The following HEXIM2 variants were observed in gnomAD, a reference collection of about 807,000 sequenced individuals.
HEXIM2 encodes HEXIM P-TEFb complex subunit 2.
For missense variants in HEXIM2, 413 were observed against 390.8 expected (o/e 1.06, Z -0.48); for synonymous variants, 159 against 162.7 (o/e 0.98, Z 0.17).
chr17:45,162,894 C>G (rs1246315806), intron 3 of HEXIM2, 35 bp downstream of exon 3: 1 of 1,359,672 alleles, frequency 7.4e-7, no homozygotes, highest in Admixed American at 1.7e-5. Flanking sequence ...CCAAGCACCA[C>G]GAGCACGGGT....
chr17:45,169,158 G>A lies in HEXIM2; in HGVS notation c.210G>A (p.Arg70=). 6.2e-7 allele frequency: 1 copy of A among 1,613,854 alleles called. No individual in the cohort carries two copies. The highest frequency in any genetic ancestry group is 1.3e-5 in the African/African-American group (1 of 75,072). The part of the protein sequence containing the change: ...GAVGGLGWNS[R]SPRTQSPGGC... The stretch of plus-strand genomic sequence containing the variant: ...TCGGTGGCCTGGGCTGGAACAGTAG[G>A]AGTCCCCGGACCCAGAGCCCAGGGG... The change falls in exon 4 of 4, where the codon AGG becomes AGA. Residue 70 remains arginine, a synonymous_variant. Coordinates refer to ENST00000589230, the MANE Select transcript of HEXIM2 (RefSeq NM_001303441.2).
intron 3 of HEXIM2, among the ~76,000 whole-genome samples, chr17:45,163,325 CAAAAAAAAAA>C (rs11423159): frequency 1.3e-5 from 1 of 78,798 alleles, no homozygotes; most frequent in Non-Finnish European, 2.4e-5. Context: ...GACTCCGTCT[CAAAAAAAAAA>C]AAAAAAAAAA....
chr17:45,166,742 A>AG (rs2042852422), intron 3 of HEXIM2, among the ~76,000 whole-genome samples: 1 of 152,004 alleles, frequency 6.6e-6, no homozygotes, highest in African/African-American at 2.4e-5. Context: ...GAAAAAAGGT[A>AG]GCTGGCAGTG....
upstream of HEXIM2, chr17:45,161,143 G>A (rs1340960979): frequency 2.5e-6 from 1 of 394,268 alleles, no homozygotes; most frequent in South Asian, 1.8e-5. Flanking sequence ...GGGGTGGGGA[G>A]GGAAGCTGGC....
upstream of HEXIM2, chr17:45,160,600 T>G: frequency 3.9e-6 from 1 of 255,198 alleles, no homozygotes; most frequent in Non-Finnish European, 8.1e-6. Flanking sequence ...GCAACTCCGT[T>G]TCTATTTCGG....
At chr17:45,167,579 A>G (rs1351977007) in intron 3 of HEXIM2, among the ~76,000 whole-genome samples, 2 of 152,204 alleles carry the variant, frequency 1.3e-5, no homozygotes, top group Non-Finnish European at 2.9e-5. Context: ...TTGCCTGGGC[A>G]ACAGAGTAAG....
Position 45,169,787 on chromosome 17 carries a change from G to A in HEXIM2, c.839G>A (p.Cys280Tyr). 6.9e-7 allele frequency: 1 copy of A among 1,446,456 alleles called. No individual in the cohort carries two copies. The highest frequency in any genetic ancestry group is 9.1e-7 in the Non-Finnish European group (1 of 1,101,188). 89.6% of individuals were successfully genotyped at this position (1,446,456 alleles called of 1,614,324 possible). ...NQMWNREGCR[C>Y]DEEPGT ...ATGTGGAACCGAGAGGGCTGCCGCT[G>A]TGATGAGGAGCCGGGTACCTAGGGG... Residue 280 changes from cysteine to tyrosine, a missense_variant, in exon 4 of 4, where the codon TGT becomes TAT. Physicochemically the swap from Cys to Tyr is radical, Grantham distance 194. Coordinates refer to ENST00000589230, the MANE Select transcript of HEXIM2 (RefSeq NM_001303441.2).
upstream of HEXIM2, chr17:45,161,217 C>T (rs2042673770): frequency 1.1e-5 from 4 of 355,314 alleles, no homozygotes; most frequent in South Asian, 4.1e-5. Context: ...TTTCACCAGC[C>T]TCTCCCCTTC....
intron 3 of HEXIM2, among the ~76,000 whole-genome samples, chr17:45,166,458 T>C (rs1287212918): frequency 6.6e-6 from 1 of 152,202 alleles, no homozygotes; most frequent in Non-Finnish European, 1.5e-5. Flanking sequence ...CTTTTGGATC[T>C]CCCTATCCTA....
At chr17:45,162,104 T>C in intron 1 of HEXIM2, 73 bp downstream of exon 1, 2 of 788,094 alleles carry the variant, frequency 2.5e-6, no homozygotes, top group Non-Finnish European at 3.1e-6. Context: ...CTTATCCTAG[T>C]TGGGTTTCCC....
intron 3 of HEXIM2, among the ~76,000 whole-genome samples, chr17:45,167,664 T>A (rs1024658793): frequency 6.6e-6 from 1 of 152,168 alleles, no homozygotes; most frequent in Admixed American, 6.5e-5. Context: ...TCTCACTCTG[T>A]CGCCCAGGCT....
chr17:45,162,390 G>C, intron 1 of HEXIM2, 98 bp from the exon 2 acceptor site: 1 of 953,594 alleles, frequency 1.0e-6, no homozygotes, highest in South Asian at 3.1e-5. Context: ...TGCACTCCCA[G>C]CCTCCCCAGG....
At chr17:45,168,319 T>TA (rs1307953616) in intron 3 of HEXIM2, among the ~76,000 whole-genome samples, 1 of 150,546 alleles carries the variant, frequency 6.6e-6, no homozygotes, top group Non-Finnish European at 1.5e-5. Flanking sequence ...CTGTCTCTAC[T>TA]AAAAATACAA....
At chr17:45,165,855 C>T (rs1598138232) in intron 3 of HEXIM2, among the ~76,000 whole-genome samples, 1 of 152,046 alleles carries the variant, frequency 6.6e-6, no homozygotes, top group African/African-American at 2.4e-5. Flanking sequence ...AGTGCAGTGG[C>T]GTGATCTCGC....
At chr17:45,162,722 T>C (rs1450823044) in intron 2 of HEXIM2, 28 bp from the exon 3 acceptor site, 22 of 1,608,744 alleles carry the variant, frequency 1.4e-5, no homozygotes, top group Non-Finnish European at 1.7e-5. Flanking sequence ...TCCTTCAGGA[T>C]TTAGGTTTCT....
intron 3 of HEXIM2, among the ~76,000 whole-genome samples, chr17:45,163,550 G>A (rs972964088): frequency 6.6e-6 from 1 of 152,104 alleles, no homozygotes; most frequent in Non-Finnish European, 1.5e-5. Flanking sequence ...TTTACATTTT[G>A]TCCAGGCTAA....
intron 3 of HEXIM2, among the ~76,000 whole-genome samples, chr17:45,163,136 C>A (rs950296484): frequency 2.6e-5 from 4 of 151,986 alleles, no homozygotes; most frequent in Non-Finnish European, 5.9e-5. Flanking sequence ...CCAGCCTGAC[C>A]AACATGGCAA....
In HEXIM2 at chr17:45,164,869, C is replaced by G. The variant is rs1018520561; in HGVS notation, c.66+2010C>G. ...AGAGGTCAGAGAGCTTCTGACCCAC[C>G]CTGCCTAGCCCATTCCGTGTTTTCT... is the stretch of plus-strand genomic sequence containing the variant. On this transcript the variant is annotated intron_variant, in intron 3 of 3. Transcript: ENST00000589230. Among the ~76,000 whole-genome samples, 5 of 152,116 alleles carry G rather than the reference C, an allele frequency of 3.3e-5. 1 individual carries two copies. In the South Asian group the frequency reaches 1.0e-3, roughly 32 times the overall value.
Position 45,169,558 on chromosome 17 carries a change from A to C in HEXIM2, c.610A>C (p.Ser204Arg). ...GACTTACGAACGCTTCCACACCGAGAGCCTGCAGGGCCGCAGCAAGCAGGA... is the reference window on the plus strand; with the variant it reads ...GACTTACGAACGCTTCCACACCGAGCGCCTGCAGGGCCGCAGCAAGCAGGA... ...SETYERFHTE[S>R]LQGRSKQELV... Residue 204 changes from serine to arginine, a missense_variant, in exon 4 of 4, where the codon AGC (serine) becomes CGC (arginine). Transcript: ENST00000589230. 6.4e-7 allele frequency: 1 copy of C among 1,561,546 alleles called. No homozygotes were observed. The highest frequency in any genetic ancestry group is 8.7e-7 in the Non-Finnish European group (1 of 1,153,738).
Sources: allele counts gnomAD v4.1 joint callset (sites outside exome capture counted in the v4.1 genomes callset), GRCh38; gene constraint gnomAD v4.1.1; transcripts MANE v1.5; gene names NCBI Gene and HGNC (gene_info 2026-07-23, HGNC 2026-07-21).